The following ATOX1 variants were observed in gnomAD, a reference collection of about 807,000 sequenced individuals.
The protein encoded by ATOX1 is antioxidant 1 copper chaperone.
Under a neutral mutation model 7.3 loss-of-function variants are expected in ATOX1, and 4 were observed. The ratio of observed to expected loss-of-function variants is 0.55; its 90% CI spans 0.27 to 1.25. The LOEUF (loss-of-function observed/expected upper bound fraction) is 1.25, where lower values mean the gene tolerates loss of function less well. Ranked by LOEUF, ATOX1 falls within the 50% of genes most tolerant of loss-of-function variation. The pLI, the probability that ATOX1 is intolerant of heterozygous loss-of-function variation, is 0.12. For synonymous variants in ATOX1, 25 were observed against 28.7 expected (o/e 0.87, Z 0.41); for missense variants, 68 against 81.6 (o/e 0.83, Z 0.64).
Position 151,746,272 on chromosome 5 carries a change from T to C in ATOX1, c.*46+7A>G. The C allele has an allele frequency of 6.2e-7, 1 of 1,605,962 alleles. No homozygotes were observed. Among genetic ancestry groups the C allele is most frequent in the Non-Finnish European group, 8.5e-7 (1 of 1,176,950 alleles). On this transcript the variant is annotated splice_region_variant and intron_variant, in intron 3 of 3. Coordinates refer to ENST00000313115, the MANE Select transcript of ATOX1 (RefSeq NM_004045.4). ...GTTTGTTCAGCAAGTGCTGGGGCCT[T>C]ACCCACCTGCCCCCTTTGGTCCATC... is the stretch of plus-strand genomic sequence containing the variant.
intron 1 of ATOX1, among the ~76,000 whole-genome samples, chr5:151,755,398 T>C (rs927352810): frequency 3.9e-5 from 6 of 152,228 alleles, no homozygotes; most frequent in African/African-American, 7.2e-5. Context: ...CTTGCAGTCA[T>C]GTGGCAAATA....
chr5:151,748,391 T>G (rs1276565849), intron 2 of ATOX1, among the ~76,000 whole-genome samples: 1 of 152,042 alleles, frequency 6.6e-6, no homozygotes, highest in African/African-American at 2.4e-5. Flanking sequence ...CCTTTCCAGC[T>G]CAAGGATGCC....
At chr5:151,757,993 T>A (rs892957785) in intron 1 of ATOX1, among the ~76,000 whole-genome samples, 2 of 152,316 alleles carry the variant, frequency 1.3e-5, no homozygotes, top group Admixed American at 1.3e-4. Context: ...CTGGGGCTCA[T>A]GGGTTCAGGC....
intron 2 of ATOX1, among the ~76,000 whole-genome samples, chr5:151,750,082 AAG>A (rs1761928343): frequency 6.6e-6 from 1 of 152,214 alleles, no homozygotes; most frequent in African/African-American, 2.4e-5. Context: ...GTGGAAGAAA[AAG>A]AAAAGAAAAA....
chr5:151,750,255 G>A (rs953237888), intron 2 of ATOX1, among the ~76,000 whole-genome samples: 3 of 151,926 alleles, frequency 2.0e-5, no homozygotes, highest in African/African-American at 4.9e-5. Context: ...CAAAAGAGGT[G>A]CTTTAAGAAT....
rs1302789421 is a variant in ATOX1, at chr5:151,747,084, T to C, written c.83-635A>G. On this transcript the variant is annotated intron_variant, in intron 2 of 3. Transcript: ENST00000313115. ...AATATAGACACTTTTTTTTTTTTTT[T>C]CAAAAAAGCAAACATTTCTAAATAA... Among the ~76,000 whole-genome samples the C allele has an allele frequency of 7.5e-5, 11 of 147,230 alleles. No individual in the cohort carries two copies. In the East Asian group the frequency reaches 1.6e-3, roughly 21 times the overall value.
intron 1 of ATOX1, among the ~76,000 whole-genome samples, chr5:151,753,580 A>G (rs1284124721): frequency 6.6e-6 from 1 of 152,204 alleles, no homozygotes; most frequent in Non-Finnish European, 1.5e-5. Context: ...ATCTTGCTAG[A>G]AAACCACAGG....
At chr5:151,754,808 AC>A (rs1723567711) in intron 1 of ATOX1, among the ~76,000 whole-genome samples, 1 of 151,538 alleles carries the variant, frequency 6.6e-6, no homozygotes, top group Non-Finnish European at 1.5e-5. Flanking sequence ...ACATGGTGAA[AC>A]CCCATCTCTA....
At chr5:151,757,193 G>A (rs1193748533) in intron 1 of ATOX1, among the ~76,000 whole-genome samples, 1 of 152,038 alleles carries the variant, frequency 6.6e-6, no homozygotes, top group African/African-American at 2.4e-5. Context: ...GTGGTACATG[G>A]TGCCAAGTGC....
chr5:151,755,846 T>C (rs561270003), intron 1 of ATOX1, among the ~76,000 whole-genome samples: 1 of 152,274 alleles, frequency 6.6e-6, no homozygotes, highest in Admixed American at 6.5e-5. Flanking sequence ...CCTCATGGCC[T>C]CTGGGGTCTT....
intron 2 of ATOX1, 92 bp downstream of exon 2, chr5:151,751,612 G>T (rs1042151740): frequency 1.4e-5 from 19 of 1,356,360 alleles, no homozygotes; most frequent in Non-Finnish European, 1.8e-5. Flanking sequence ...TAGTTTTACT[G>T]TTATGATCAG....
At chr5:151,743,420 A>C (rs1761844469) in intron 3 of ATOX1, 1 of 152,236 alleles carries the variant, frequency 6.6e-6, no homozygotes, top group Admixed American at 6.5e-5. Flanking sequence ...GCTTCAAATC[A>C]GTCACTGAGG....
intron 2 of ATOX1, among the ~76,000 whole-genome samples, chr5:151,746,763 G>T (rs2016409): frequency 0.8 from 122,326 of 152,168 alleles, 49,926 homozygotes; most frequent in African/African-American, 0.95. Flanking sequence ...AGACAGAGAC[G>T]CACTCTGTTG....
chr5:151,754,282 A>G (rs532795916), intron 1 of ATOX1, among the ~76,000 whole-genome samples: 1 of 152,274 alleles, frequency 6.6e-6, no homozygotes, highest in South Asian at 2.1e-4. Context: ...TCCTCCCCAC[A>G]TTACAGTCTG....
intron 1 of ATOX1, chr5:151,753,670 T>C (rs922522050): frequency 3.3e-5 from 5 of 152,172 alleles, no homozygotes; most frequent in African/African-American, 1.2e-4. Flanking sequence ...TTTTCAACTT[T>C]AGTGTGCATA....
At chr5:151,750,532 G>A (rs1236377301) in intron 2 of ATOX1, among the ~76,000 whole-genome samples, 1 of 141,370 alleles carries the variant, frequency 7.1e-6, no homozygotes, top group Non-Finnish European at 1.5e-5. Context: ...AAAAAAATCT[G>A]CATGTGAGTG....
chr5:151,746,149 G>T, intron 3 of ATOX1, 130 bp downstream of exon 3: 1 of 746,676 alleles, frequency 1.3e-6, no homozygotes, highest in Non-Finnish European at 2.1e-6. Flanking sequence ...CTCCAAAGAA[G>T]GTGGACAGTG....
chr5:151,747,974 G>A (rs138222926), intron 2 of ATOX1, among the ~76,000 whole-genome samples: 2 of 152,264 alleles, frequency 1.3e-5, no homozygotes, highest in East Asian at 3.9e-4. Context: ...AGGTCATTGA[G>A]GATGCTTCTA....
intron 1 of ATOX1, 54 bp from the exon 2 acceptor site, chr5:151,751,833 C>CA: frequency 1.9e-6 from 3 of 1,541,822 alleles, no homozygotes; most frequent in South Asian, 1.2e-5. Context: ...GACCCCCACA[C>CA]AGTGCCAGCA....
Sources: gnomAD v4.1 joint callset for allele counts (sites outside exome capture counted in the v4.1 genomes callset) on GRCh38, gnomAD v4.1.1 for gene constraint, MANE v1.5 for transcripts, NCBI Gene and HGNC (gene_info 2026-07-23, HGNC 2026-07-21) for gene names.